VSIR: variants seen among roughly 807,000 people sequenced by gnomAD.
VSIR encodes V-set immunoregulatory receptor.
VSIR carries 10 observed loss-of-function variants against 31.0 expected under a neutral mutation model. The ratio of observed to expected loss-of-function variants is 0.32; its 90% CI spans 0.20 to 0.55. The LOEUF (loss-of-function observed/expected upper bound fraction) is 0.55. VSIR is among the 20% of genes least tolerant of loss of function. VSIR has a pLI of 0.93. For synonymous variants in VSIR, 179 were observed against 180.1 expected (o/e 0.99, Z 0.05); for missense variants, 356 against 416.2 (o/e 0.86, Z 1.26).
Position 71,751,727 on chromosome 10 carries a change from G to A in VSIR, c.839C>T (p.Ser280Leu), listed in dbSNP as rs143240262. ...AGGAGACAGGGGGGTGCTGGGCTCC[G>A]AAAGCAGATGCCGCCCAGACTCAGA... ...QPSESGRHLLSEPSTPLSPPG... is the reference protein window; with the variant it reads ...QPSESGRHLLLEPSTPLSPPG... The change falls in exon 6 of 7, where the codon TCG (serine) becomes TTG (leucine). Residue 280 changes from serine to leucine, a missense_variant. Ser to Leu is a moderately radical substitution (Grantham distance 145). Around this residue, in one of 2 missense-constraint regions of VSIR, gnomAD observed 190 missense variants for 185.2 expected, o/e 1.03. Transcript: ENST00000394957. This position sits in a 1 kb window ranked among gnomAD's most constrained non-coding sequence, Gnocchi z 4.9. The A allele has an allele frequency of 4.8e-3, 7,640 of 1,585,754 alleles. 25 individuals are homozygous for A. The highest frequency in any genetic ancestry group is 6.0e-3 in the Non-Finnish European group (7,020 of 1,167,406).
rs1171224312 is a variant in VSIR at position 71,773,180 on chromosome 10, G to A, written c.82+178C>T. ...GCCCGATGCCTAGCTGGGGCACTTG[G>A]CACAGTTGCCACTGCACCCTGCCTA... On this transcript the variant is annotated intron_variant, in intron 1 of 6. Transcript: ENST00000394957. 2.6e-5 allele frequency among the ~76,000 whole-genome samples: 4 copies of A among 152,236 alleles called. 1 individual carries two copies. In the South Asian group the frequency reaches 6.2e-4, roughly 24 times the overall value.
intron 3 of VSIR, chr10:71,760,615 G>C: frequency 2.1e-6 from 1 of 471,550 alleles, no homozygotes; most frequent in South Asian, 2.8e-5. Context: ...CCTGGCCAAA[G>C]GTCACTGCCA....
At chr10:71,759,914 C>CATATATATACACACACATACATACAT (rs1564779323) in intron 3 of VSIR, among the ~76,000 whole-genome samples, 2 of 56,820 alleles carry the variant, frequency 3.5e-5, no homozygotes, top group Non-Finnish European at 4.5e-5. Context: ...TACACACACA[C>CATATATATACACACACATACATACAT]ATATATACAC....
At chr10:71,759,914 C>CATATACACACACAT (rs1564779319) in intron 3 of VSIR, among the ~76,000 whole-genome samples, 1 of 56,820 alleles carries the variant, frequency 1.8e-5, no homozygotes, top group Non-Finnish European at 4.5e-5. Flanking sequence ...TACACACACA[C>CATATACACACACAT]ATATATACAC....
In VSIR at chr10:71,765,965, T is replaced by G. The variant is rs549271446; in HGVS notation, c.83-3939A>C. Among the ~76,000 whole-genome samples the G allele has an allele frequency of 4.8e-4, 73 of 152,106 alleles. 1 individual carries two copies. Among genetic ancestry groups the G allele is most frequent in the South Asian group, 1.0e-3 (5 of 4,808 alleles). On this transcript the variant is annotated intron_variant, in intron 1 of 6. Transcript: ENST00000394957. Reference sequence around the variant, plus strand: ...ACACCCCATTTACTGTGTCTGAGACTCCAGCTGGGACAAGGCCCACAGCAG... The same window carrying G: ...ACACCCCATTTACTGTGTCTGAGACGCCAGCTGGGACAAGGCCCACAGCAG...
In VSIR at chr10:71,773,204, T is replaced by C. The variant is rs113756458; in HGVS notation, c.82+154A>G. On this transcript the variant is annotated intron_variant, in intron 1 of 6. Transcript: ENST00000394957. ...GGCACAGTTGCCACTGCACCCTGCC[T>C]AGGGGTCCCAGCAGCCTCTGGGCGG... Among the ~76,000 whole-genome samples the C allele has an allele frequency of 5.1e-3, 770 of 152,318 alleles. 9 individuals carry two copies. Among genetic ancestry groups the C allele is most frequent in the African/African-American group, 0.018 (730 of 41,572 alleles).
chr10:71,763,019 G>A (rs951480115), intron 1 of VSIR, among the ~76,000 whole-genome samples: 1 of 152,168 alleles, frequency 6.6e-6, no homozygotes, highest in African/African-American at 2.4e-5. Flanking sequence ...ATGAGCCTCA[G>A]TTTCCTCCTC....
At position 71,761,707 on chromosome 10, in the gene VSIR, G is replaced by C. The variant is rs1337035747; in HGVS notation, c.402C>G (p.Arg134=). 3 of 1,614,104 alleles carry C rather than the reference G, an allele frequency of 1.9e-6. No homozygotes were observed. In the Admixed American group the frequency reaches 5.0e-5, roughly 27 times the overall value. ...DHHGNFSITM[R]NLTLLDSGLY... Reference sequence around the variant, plus strand: ...GGCCGCTATCCAGCAGGGTCAGGTTGCGCATGGTGATGGAGAAGTTGCCAT... The same window carrying C: ...GGCCGCTATCCAGCAGGGTCAGGTTCCGCATGGTGATGGAGAAGTTGCCAT... The change falls in exon 2 of 7, where the codon CGC becomes CGG. Residue 134 remains arginine, a synonymous_variant. Coordinates refer to ENST00000394957, the MANE Select transcript of VSIR (RefSeq NM_022153.2).
chr10:71,772,013 C>T (rs1296438504), intron 1 of VSIR, among the ~76,000 whole-genome samples: 1 of 152,226 alleles, frequency 6.6e-6, no homozygotes, highest in Non-Finnish European at 1.5e-5. Context: ...CTGCCTGCCA[C>T]CATCCTCTGT....
chr10:71,748,629 C>G lies in VSIR; in HGVS notation c.*2624G>C, dbSNP rs1839912609. ...TTCTTAAAAGCATGGATTTCCCTCT[C>G]AGGGCCTCAGACTGTGCCACGAATC... On this transcript the variant is annotated 3_prime_UTR_variant, in exon 7 of 7. Transcript: ENST00000394957. 1.3e-5 allele frequency: 2 copies of G among 152,430 alleles called. No homozygotes were observed. Among genetic ancestry groups the G allele is most frequent in the Admixed American group, 1.3e-4 (2 of 15,292 alleles). 9.4% of individuals were successfully genotyped at this position (152,430 alleles called of 1,614,324 possible).
intron 1 of VSIR, among the ~76,000 whole-genome samples, chr10:71,772,524 T>A (rs1295410890): frequency 6.6e-6 from 1 of 152,196 alleles, no homozygotes; most frequent in Non-Finnish European, 1.5e-5. Context: ...GGAGCCCCTG[T>A]GTTGGGGCCA....
intron 1 of VSIR, among the ~76,000 whole-genome samples, chr10:71,767,867 G>A (rs1240121875): frequency 1.3e-5 from 2 of 152,226 alleles, no homozygotes; most frequent in Non-Finnish European, 2.9e-5. Flanking sequence ...CCAGCACCTT[G>A]GGAAAGCCTC....
At chr10:71,759,888 T>TATACACACACACACACATAC (rs1211461244) in intron 3 of VSIR, among the ~76,000 whole-genome samples, 1 of 29,946 alleles carries the variant, frequency 3.3e-5, no homozygotes, top group African/African-American at 7.6e-5. Context: ...CACACACATA[T>TATACACACACACACACATAC]ACACACACAC....
chr10:71,760,648 C>T, intron 3 of VSIR: 1 of 550,192 alleles, frequency 1.8e-6, no homozygotes, highest in South Asian at 2.2e-5. Flanking sequence ...TCCAGAGAGT[C>T]AAGAGGAGCA....
rs1054396795 is a variant in VSIR, at chr10:71,749,114, A to T, written c.*2139T>A. The T allele has an allele frequency of 6.6e-6, 1 of 152,052 alleles. No homozygotes were observed. The highest frequency in any genetic ancestry group is 2.4e-5 in the African/African-American group (1 of 41,388). The allele number at this position is 152,052 out of a possible 1,614,324, so 9.4% of individuals were successfully genotyped here. On this transcript the variant is annotated 3_prime_UTR_variant, in exon 7 of 7. Transcript: ENST00000394957. The stretch of plus-strand genomic sequence containing the variant: ...AATTCTTAGAAGTTGTCTCTGCCTC[A>T]AGGTCAGCAGCTGAGGGCTGGGGCC...
chr10:71,773,041 T>A (rs1035829802), intron 1 of VSIR, among the ~76,000 whole-genome samples: 1 of 152,200 alleles, frequency 6.6e-6, no homozygotes, highest in Non-Finnish European at 1.5e-5. Flanking sequence ...TGCCTCTCCT[T>A]CTTTGCAGAA....
intron 1 of VSIR, among the ~76,000 whole-genome samples, chr10:71,763,263 C>T (rs1265147271): frequency 6.6e-6 from 1 of 152,250 alleles, no homozygotes; most frequent in Admixed American, 6.5e-5. Flanking sequence ...CTGCCTTGGC[C>T]TCTCAAAGTC....
chr10:71,761,958 T>A lies in VSIR; in HGVS notation c.151A>T (p.Thr51Ser). The A allele has an allele frequency of 6.2e-7, 1 of 1,613,770 alleles. No individual in the cohort carries two copies. The change falls in exon 2 of 7, where the codon ACC becomes TCC. Residue 51 changes from threonine to serine, a missense_variant. Physicochemically the swap from Thr to Ser is moderately conservative, Grantham distance 58 (BLOSUM62 1). Transcript: ENST00000394957. ...LYVCPEGQNV[T>S]LTCRLLGPVD... The stretch of plus-strand genomic sequence containing the variant: ...GGGCCCAAGAGCCTGCAGGTGAGGG[T>A]GACGTTCTGCCCCTCGGGACAGACA...
At position 71,761,840 on chromosome 10, in the gene VSIR, C is replaced by T. The variant is rs374460058; in HGVS notation, c.269G>A (p.Arg90His). Residue 90 changes from arginine to histidine, a missense_variant, in exon 2 of 7, where the codon CGC becomes CAC. Transcript: ENST00000394957. ...VQTCSERRPI[R>H]NLTFQDLHLH... ...GTGAAGGTCCTGGAACGTGAGGTTG[C>T]GGATGGGCCGGCGCTCTGAGCAGGT... is the stretch of plus-strand genomic sequence containing the variant. 2.5e-6 allele frequency: 4 copies of T among 1,613,990 alleles called. No individual in the cohort carries two copies. The African/African-American group carries it at 4.0e-5, about 16-fold the overall frequency.
Sources: allele counts gnomAD v4.1 joint callset (sites outside exome capture counted in the v4.1 genomes callset), GRCh38; gene constraint gnomAD v4.1.1; regional missense constraint gnomAD v4.1.1; non-coding constraint Gnocchi (gnomAD v3.1); transcripts MANE v1.5; gene names NCBI Gene and HGNC (gene_info 2026-07-23, HGNC 2026-07-21).